CLSTN2: variants seen among roughly 807,000 people sequenced by gnomAD.
CLSTN2 encodes calsyntenin 2.
Under a neutral mutation model 101.2 loss-of-function variants are expected in CLSTN2, and 48 were observed. The ratio of observed to expected loss-of-function variants is 0.47; its 90% CI spans 0.38 to 0.60. CLSTN2 has a LOEUF of 0.60. Among genes scored for constraint, CLSTN2 ranks in the 20% least tolerant of loss-of-function variants. CLSTN2 has a pLI of 0.00. For synonymous variants in CLSTN2, 481 were observed against 463.6 expected (o/e 1.04, Z -0.48); for missense variants, 1,160 against 1,238.2 (o/e 0.94, Z 0.95).
chr3:140,231,249 C>T (rs1214928781), intron 2 of CLSTN2, among the ~76,000 whole-genome samples: 1 of 152,120 alleles, frequency 6.6e-6, no homozygotes, highest in Non-Finnish European at 1.5e-5. Flanking sequence ...AGCAGACACA[C>T]CCTCCCGTCT....
chr3:140,436,601 G>T (rs1174229756), intron 5 of CLSTN2, among the ~76,000 whole-genome samples: 1 of 152,224 alleles, frequency 6.6e-6, no homozygotes, highest in East Asian at 1.9e-4. Context: ...GGCCCCTGTG[G>T]CTTGGGTGTT....
Position 140,136,611 on chromosome 3 carries a change from C to T in CLSTN2, c.110-39340C>T, listed in dbSNP as rs75195426. The stretch of plus-strand genomic sequence containing the variant: ...GGGTCAAAGGTACTTGAGCTGGAAT[C>T]TTGATGCTGTTTTTATTAACCATCC... On this transcript the variant is annotated intron_variant, in intron 1 of 16. Coordinates refer to ENST00000458420, the MANE Select transcript of CLSTN2 (RefSeq NM_022131.3). 2.8e-3 allele frequency among the ~76,000 whole-genome samples: 428 copies of T among 152,274 alleles called. 5 individuals are homozygous for T. The highest frequency in any genetic ancestry group is 0.01 in the Middle Eastern group (3 of 294).
At chr3:139,978,643 G>A (rs910991302) in intron 1 of CLSTN2, among the ~76,000 whole-genome samples, 20 of 138,064 alleles carry the variant, frequency 1.4e-4, no homozygotes, top group African/African-American at 5.4e-4. Context: ...ATGGGGGATG[G>A]GGGATTGTGT....
intron 1 of CLSTN2, among the ~76,000 whole-genome samples, chr3:140,008,999 A>T (rs2007016230): frequency 6.6e-6 from 1 of 152,214 alleles, no homozygotes; most frequent in Admixed American, 6.5e-5. Flanking sequence ...ATGCACACAG[A>T]AGCCTTGTTG....
intron 2 of CLSTN2, among the ~76,000 whole-genome samples, chr3:140,254,729 G>T (rs1359073801): frequency 6.6e-6 from 1 of 152,000 alleles, no homozygotes; most frequent in African/African-American, 2.4e-5. Flanking sequence ...ACAAACCCTA[G>T]AAGAAAACCT....
intron 2 of CLSTN2, among the ~76,000 whole-genome samples, chr3:140,230,805 A>G (rs1247887005): frequency 1.3e-5 from 2 of 152,164 alleles, no homozygotes; most frequent in African/African-American, 2.4e-5. Context: ...TGGACATCAT[A>G]TGAACCCTAC....
chr3:140,186,137 A>T (rs772351511), intron 2 of CLSTN2, among the ~76,000 whole-genome samples: 2 of 152,190 alleles, frequency 1.3e-5, no homozygotes, highest in African/African-American at 4.8e-5. Context: ...AATTTAAAAC[A>T]TTGAGGAAAT....
At position 139,942,719 on chromosome 3, in the gene CLSTN2, A is replaced by G. The variant is rs546149915; in HGVS notation, c.109+7236A>G. 1.6e-4 allele frequency among the ~76,000 whole-genome samples: 24 copies of G among 152,268 alleles called. No individual in the cohort carries two copies. The East Asian group carries it at 4.6e-3, about 29-fold the overall frequency. On this transcript the variant is annotated intron_variant, in intron 1 of 16. Transcript: ENST00000458420. ...TTGGTAAATGCACATTACAGGGCAT[A>G]TAGCAGCAGATCAAAAATCAGGACA...
intron 8 of CLSTN2, among the ~76,000 whole-genome samples, chr3:140,470,441 G>T (rs1156955586): frequency 2.0e-5 from 3 of 152,232 alleles, no homozygotes; most frequent in African/African-American, 7.2e-5. Flanking sequence ...GTTCTCTGTG[G>T]TGCAGGGCAG....
chr3:139,941,154 G>A (rs1186052204), intron 1 of CLSTN2, among the ~76,000 whole-genome samples: 1 of 152,132 alleles, frequency 6.6e-6, no homozygotes, highest in Non-Finnish European at 1.5e-5. Flanking sequence ...TCTAACCCAT[G>A]ACTAATTGGA....
At chr3:140,123,789 G>A (rs146422119) in intron 1 of CLSTN2, among the ~76,000 whole-genome samples, 397 of 151,160 alleles carry the variant, frequency 2.6e-3, no homozygotes, top group African/African-American at 9.4e-3. Flanking sequence ...CACATGAGGG[G>A]AGAGAGATGG....
intron 2 of CLSTN2, among the ~76,000 whole-genome samples, chr3:140,326,971 A>C (rs1463101984): frequency 1.3e-5 from 2 of 152,224 alleles, no homozygotes; most frequent in Non-Finnish European, 2.9e-5. Flanking sequence ...GCCCTGAAGA[A>C]TAACTGAAAA....
rs185815070 is a variant in CLSTN2, at chr3:140,096,611, A to G, written c.110-79340A>G. 5.9e-5 allele frequency among the ~76,000 whole-genome samples: 9 copies of G among 152,330 alleles called. No individual in the cohort carries two copies. The East Asian group carries it at 1.7e-3, about 29-fold the overall frequency. On this transcript the variant is annotated intron_variant, in intron 1 of 16. Coordinates refer to ENST00000458420, the MANE Select transcript of CLSTN2 (RefSeq NM_022131.3). The stretch of plus-strand genomic sequence containing the variant: ...CTTCTAGGTCATGAACCAGGACCAC[A>G]TCAGCTGGGAACATTAGCTGGTCAT...
At chr3:140,146,785 C>A (rs1446893717) in intron 1 of CLSTN2, among the ~76,000 whole-genome samples, 3 of 152,168 alleles carry the variant, frequency 2.0e-5, no homozygotes, top group Non-Finnish European at 4.4e-5. Context: ...ACTTTAGTCA[C>A]CATGCCACCA....
intron 5 of CLSTN2, among the ~76,000 whole-genome samples, chr3:140,425,219 A>G (rs979083405): frequency 1.3e-5 from 2 of 152,212 alleles, no homozygotes; most frequent in Admixed American, 6.5e-5. Context: ...TACTGTGGCC[A>G]GCTTCTTCCA....
chr3:140,287,554 A>G (rs1381088015), intron 2 of CLSTN2, among the ~76,000 whole-genome samples: 1 of 152,206 alleles, frequency 6.6e-6, no homozygotes, highest in Admixed American at 6.5e-5. Flanking sequence ...CTAAAGTTGT[A>G]AAACAAAATT....
chr3:140,456,720 G>A (rs1476876091), intron 6 of CLSTN2, among the ~76,000 whole-genome samples: 1 of 152,166 alleles, frequency 6.6e-6, no homozygotes, highest in African/African-American at 2.4e-5. Flanking sequence ...CCGGGAAGCA[G>A]AGGTTGCAGT....
chr3:140,330,215 T>C (rs1264532072), intron 2 of CLSTN2, among the ~76,000 whole-genome samples: 1 of 152,230 alleles, frequency 6.6e-6, no homozygotes, highest in East Asian at 1.9e-4. Flanking sequence ...CAGATACTTG[T>C]CGTGCTCCAT....
chr3:140,128,221 T>G (rs988192043), intron 1 of CLSTN2, among the ~76,000 whole-genome samples: 8 of 152,172 alleles, frequency 5.3e-5, no homozygotes, highest in Non-Finnish European at 1.0e-4. Context: ...TAAAATAGAA[T>G]TCCATTTGAA....
Sources: gnomAD v4.1 joint callset for allele counts (sites outside exome capture counted in the v4.1 genomes callset) on GRCh38, gnomAD v4.1.1 for gene constraint, MANE v1.5 for transcripts, NCBI Gene and HGNC (gene_info 2026-07-23, HGNC 2026-07-21) for gene names.